Variants in RAVER2 observed in about 807,000 individuals in gnomAD.
RAVER2 encodes the protein ribonucleoprotein, PTB binding 2, also known as ribonucleoprotein PTB-binding 2.
A neutral mutation model predicts 78.1 loss-of-function variants in RAVER2; 46 were observed. That is an observed-to-expected ratio of 0.59 (90% CI 0.46 to 0.75). The LOEUF (loss-of-function observed/expected upper bound fraction) is 0.75, where lower values mean the gene tolerates loss of function less well. RAVER2 is among the 30% of genes least tolerant of loss of function. The pLI, the probability that RAVER2 is intolerant of heterozygous loss-of-function variation, is 0.00. For synonymous variants in RAVER2, 311 were observed against 313.3 expected (o/e 0.99, Z 0.08); for missense variants, 793 against 837.5 (o/e 0.95, Z 0.66).
At chr1:64,799,820 A>G (rs1403191987) in intron 5 of RAVER2, among the ~76,000 whole-genome samples, 2 of 152,064 alleles carry the variant, frequency 1.3e-5, no homozygotes, top group African/African-American at 2.4e-5. Flanking sequence ...TTTTTTTGAG[A>G]AACCATCGTA....
intron 3 of RAVER2, among the ~76,000 whole-genome samples, chr1:64,778,845 C>T (rs2100835591): frequency 6.7e-6 from 1 of 149,416 alleles, no homozygotes; most frequent in Non-Finnish European, 1.5e-5. Context: ...TCCTTTTCCT[C>T]TTACCTCTGT....
At chr1:64,800,413 A>G (rs61784684) in intron 5 of RAVER2, among the ~76,000 whole-genome samples, 7,168 of 152,112 alleles carry the variant, frequency 0.047, 258 homozygotes, top group African/African-American at 0.1. Context: ...GTAGTTGTGC[A>G]ATTTTTAGTC....
chr1:64,793,096 G>A (rs1043326773), intron 5 of RAVER2, among the ~76,000 whole-genome samples: 3 of 152,064 alleles, frequency 2.0e-5, no homozygotes, highest in South Asian at 2.1e-4. Flanking sequence ...CCAGCTACTC[G>A]GGAGGCTAAG....
chr1:64,780,828 T>C (rs1349674555), intron 3 of RAVER2, among the ~76,000 whole-genome samples: 1 of 152,198 alleles, frequency 6.6e-6, no homozygotes, highest in Admixed American at 6.5e-5. Context: ...ATAAAAGTTG[T>C]GTGTTGCTTA....
intron 1 of RAVER2, among the ~76,000 whole-genome samples, chr1:64,762,221 C>T (rs764291689): frequency 2.2e-4 from 34 of 151,932 alleles, no homozygotes; most frequent in South Asian, 2.1e-4. Flanking sequence ...TAAAAATATG[C>T]GAAATCTCTA....
intron 2 of RAVER2, among the ~76,000 whole-genome samples, chr1:64,774,863 T>G (rs1476262316): frequency 1.3e-5 from 2 of 152,176 alleles, no homozygotes; most frequent in African/African-American, 4.8e-5. Flanking sequence ...GAGCAGTGGT[T>G]TGTAGTTTTC....
chr1:64,756,695 C>T (rs1278663732), intron 1 of RAVER2, among the ~76,000 whole-genome samples: 2 of 152,176 alleles, frequency 1.3e-5, no homozygotes, highest in East Asian at 3.9e-4. Flanking sequence ...ATTACAGACT[C>T]TATTTTAGAT....
At chr1:64,804,746 G>A in exon 7 of RAVER2, 1 of 1,464,344 alleles carries the variant, frequency 6.8e-7, no homozygotes, top group Non-Finnish European at 9.5e-7. Flanking sequence ...CTCAGTTATG[G>A]GTAATACTTC....
intron 4 of RAVER2, among the ~76,000 whole-genome samples, chr1:64,788,622 C>G (rs1230724522): frequency 5.9e-5 from 9 of 151,796 alleles, no homozygotes; most frequent in Admixed American, 3.9e-4. Context: ...GAAACCCCGT[C>G]TCCACTAAAA....
intron 1 of RAVER2, among the ~76,000 whole-genome samples, chr1:64,759,949 T>A (rs895345429): frequency 4.6e-5 from 7 of 152,180 alleles, no homozygotes; most frequent in Non-Finnish European, 1.5e-5. Context: ...ATTTAACAAA[T>A]ATCAAAGGTC....
chr1:64,818,542 A>C (rs1401304987), intron 11 of RAVER2, among the ~76,000 whole-genome samples: 2 of 152,192 alleles, frequency 1.3e-5, no homozygotes, highest in African/African-American at 4.8e-5. Context: ...TCTCAAAAGA[A>C]CAACAAAACA....
At chr1:64,802,550 C>T (rs56013435) in intron 5 of RAVER2, among the ~76,000 whole-genome samples, 3,440 of 151,958 alleles carry the variant, frequency 0.023, 121 homozygotes, top group African/African-American at 0.077. Context: ...CATATATTGT[C>T]TTCTCAATTG....
intron 2 of RAVER2, 94 bp from the exon 3 acceptor site, chr1:64,777,529 T>C (rs1652498798): frequency 9.9e-7 from 1 of 1,014,884 alleles, no homozygotes; most frequent in African/African-American, 1.6e-5. Context: ...AAAAGGTGTA[T>C]GTTTATGTGT....
chr1:64,817,115 A>G (rs1021545882), intron 11 of RAVER2, among the ~76,000 whole-genome samples: 2 of 152,244 alleles, frequency 1.3e-5, no homozygotes, highest in African/African-American at 4.8e-5. Flanking sequence ...ACACTTCTCA[A>G]AAGAAGACAT....
At chr1:64,767,687 G>A (rs963969335) in intron 1 of RAVER2, among the ~76,000 whole-genome samples, 10 of 152,048 alleles carry the variant, frequency 6.6e-5, no homozygotes, top group Non-Finnish European at 1.3e-4. Context: ...CATCTGTTAT[G>A]TATTATGAGT....
chr1:64,805,200 C>A, intron 8 of RAVER2, 95 bp downstream of exon 8: 2 of 1,146,370 alleles, frequency 1.7e-6, no homozygotes, highest in Non-Finnish European at 2.5e-6. Context: ...ACAGGGAGGT[C>A]AAATTTGAGT....
chr1:64,766,405 A>G (rs1474108237), intron 1 of RAVER2, among the ~76,000 whole-genome samples: 1 of 152,132 alleles, frequency 6.6e-6, no homozygotes, highest in Non-Finnish European at 1.5e-5. Flanking sequence ...CCAAGGCTCA[A>G]ATTGAGGGAT....
At chr1:64,797,060 A>G (rs1325201974) in intron 5 of RAVER2, among the ~76,000 whole-genome samples, 4 of 152,142 alleles carry the variant, frequency 2.6e-5, no homozygotes, top group Non-Finnish European at 5.9e-5. Flanking sequence ...TCACTTATAG[A>G]CAGAGATGAT....
At chr1:64,804,555 C>A (rs969587026) in intron 6 of RAVER2, among the ~76,000 whole-genome samples, 179 bp from the exon 7 acceptor site, 5 of 151,994 alleles carry the variant, frequency 3.3e-5, no homozygotes, top group African/African-American at 1.2e-4. Flanking sequence ...CTGCATGGCC[C>A]CCTCTTGTGT....
Sources: allele counts gnomAD v4.1 joint callset (sites outside exome capture counted in the v4.1 genomes callset), GRCh38; gene constraint gnomAD v4.1.1; transcripts MANE v1.5; gene names NCBI Gene and HGNC (gene_info 2026-07-23, HGNC 2026-07-21).